PDE10A: variants seen among roughly 807,000 people sequenced by gnomAD.
The protein encoded by PDE10A is phosphodiesterase 10A, also known as cAMP and cAMP-inhibited cGMP 3',5'-cyclic phosphodiesterase 10A.
PDE10A carries 39 observed loss-of-function variants against 97.7 expected under a neutral mutation model. The observed-to-expected ratio is 0.40, with a 90% confidence interval of 0.31 to 0.52. PDE10A has a LOEUF of 0.52. PDE10A is among the 20% of genes least tolerant of loss of function. The probability of loss-of-function intolerance (pLI) is 0.56; values close to 1 mark genes in which losing one functional copy is unlikely to be tolerated. For missense variants in PDE10A, 731 were observed against 1,047.8 expected, an observed-to-expected ratio of 0.70 and a Z score of 4.17; for synonymous variants, 371 against 376.8, an observed-to-expected ratio of 0.98 and a Z score of 0.18.
At chr6:165,836,130 G>T (rs1042518238) in intron 1 of PDE10A, among the ~76,000 whole-genome samples, 1 of 152,120 alleles carries the variant, frequency 6.6e-6, no homozygotes, top group Non-Finnish European at 1.5e-5. Flanking sequence ...GTTTCCTGGC[G>T]AGCCATGGGT....
intron 1 of PDE10A, among the ~76,000 whole-genome samples, chr6:165,956,092 A>C (rs139976708): frequency 1.6e-3 from 241 of 152,362 alleles, no homozygotes; most frequent in African/African-American, 5.6e-3. Flanking sequence ...AATGTCTGAT[A>C]CTATTAGATT....
chr6:165,540,787 G>A (rs142448782), intron 2 of PDE10A, among the ~76,000 whole-genome samples: 396 of 152,240 alleles, frequency 2.6e-3, no homozygotes, highest in African/African-American at 9.1e-3. Context: ...GCGCCACTAT[G>A]CCTAGCTAAT....
At chr6:165,443,684 C>T (rs1422346561) in intron 5 of PDE10A, among the ~76,000 whole-genome samples, 1 of 152,222 alleles carries the variant, frequency 6.6e-6, no homozygotes, top group Non-Finnish European at 1.5e-5. Context: ...CTGCAGCAGA[C>T]TTCTGCCTGG....
In PDE10A at chr6:165,330,392, C is replaced by T. The variant is rs529282801; in HGVS notation, c.*2633G>A. ...TGTCTCCTAAACATCTGACAAAATA[C>T]AAAAATACTCCTAACTGCATGTTTT... On this transcript the variant is annotated 3_prime_UTR_variant, in exon 22 of 22. Transcript: ENST00000539869. 2.0e-5 allele frequency: 3 copies of T among 152,196 alleles called. No homozygotes were observed. Among genetic ancestry groups the T allele is most frequent in the African/African-American group, 7.2e-5 (3 of 41,520 alleles). 9.4% of individuals were successfully genotyped at this position (152,196 alleles called of 1,614,324 possible).
intron 1 of PDE10A, among the ~76,000 whole-genome samples, chr6:165,630,186 A>G (rs1383868211): frequency 6.6e-6 from 1 of 152,088 alleles, no homozygotes; most frequent in Non-Finnish European, 1.5e-5. Flanking sequence ...CTGTCTCTAT[A>G]AAAATACAAA....
At chr6:165,336,818 C>T (rs1781684093) in intron 20 of PDE10A, among the ~76,000 whole-genome samples, 1 of 147,780 alleles carries the variant, frequency 6.8e-6, no homozygotes, top group South Asian at 2.1e-4. Context: ...CATTAAATGA[C>T]ATTTCGCTAA....
intron 2 of PDE10A, among the ~76,000 whole-genome samples, chr6:165,513,275 A>G (rs148936564): frequency 6.6e-6 from 1 of 152,192 alleles, no homozygotes; most frequent in East Asian, 1.9e-4. Flanking sequence ...GTATGAATAT[A>G]TAATTGTCCC....
intron 3 of PDE10A, among the ~76,000 whole-genome samples, chr6:165,472,291 TTTAA>T: frequency 6.6e-6 from 1 of 152,258 alleles, no homozygotes; most frequent in East Asian, 1.9e-4. Context: ...CTATTCTCTC[TTTAA>T]TTATTAATAA....
chr6:165,755,904 A>G (rs1262818240), intron 1 of PDE10A, among the ~76,000 whole-genome samples: 1 of 152,036 alleles, frequency 6.6e-6, no homozygotes, highest in East Asian at 1.9e-4. Flanking sequence ...TTTCCCTGCA[A>G]TTCTCCCTCT....
At chr6:165,604,518 T>TAAAAAAAAAAAAAAAAA (rs34272357) in intron 1 of PDE10A, among the ~76,000 whole-genome samples, 1 of 137,766 alleles carries the variant, frequency 7.3e-6, no homozygotes, top group African/African-American at 2.7e-5. Flanking sequence ...CTCTCTTTGT[T>TAAAAAAAAAAAAAAAAA]AAAAAAAAAA....
rs538652235 is a variant in PDE10A, at chr6:165,671,589, A to C, written c.-614-128021T>G. ...AGGACCCAATTAATTCACTTCCATC[A>C]CTACTCGTAGAAGCCCTTAGAGGCA... On this transcript the variant is annotated intron_variant, in intron 1 of 19. Transcript: ENST00000366882. This position sits in a 1 kb window ranked among gnomAD's most constrained non-coding sequence, Gnocchi z 4.6. 6.6e-6 allele frequency among the ~76,000 whole-genome samples: 1 copy of C among 152,078 alleles called. No homozygotes were observed. The highest frequency in any genetic ancestry group is 2.1e-4 in the South Asian group (1 of 4,816).
chr6:165,901,400 C>T (rs1043738409), intron 1 of PDE10A, among the ~76,000 whole-genome samples: 8 of 152,334 alleles, frequency 5.3e-5, no homozygotes, highest in African/African-American at 1.9e-4. Flanking sequence ...CAGCCGGTGG[C>T]TCCTGCGGCA....
intron 3 of PDE10A, among the ~76,000 whole-genome samples, chr6:165,466,491 G>A (rs1778659533): frequency 6.6e-6 from 1 of 152,188 alleles, no homozygotes; most frequent in African/African-American, 2.4e-5. Context: ...ACTGCTCTTT[G>A]TAGATATTGC....
chr6:165,807,424 T>A (rs568181438), intron 1 of PDE10A, among the ~76,000 whole-genome samples: 1 of 152,148 alleles, frequency 6.6e-6, no homozygotes, highest in East Asian at 1.9e-4. Flanking sequence ...GAGTTCAGCC[T>A]TTCTGCCCCG....
At chr6:165,981,738 A>C (rs1785023371) in intron 1 of PDE10A, among the ~76,000 whole-genome samples, 1 of 152,254 alleles carries the variant, frequency 6.6e-6, no homozygotes, top group Non-Finnish European at 1.5e-5. Flanking sequence ...CTTCTGTAAA[A>C]ATGCATGCTT....
chr6:165,987,313 C>G (rs1259293473), intron 1 of PDE10A, among the ~76,000 whole-genome samples: 1 of 152,162 alleles, frequency 6.6e-6, no homozygotes, highest in Non-Finnish European at 1.5e-5. Flanking sequence ...ACTCCCTTTT[C>G]TTCTTTCTCG....
At chr6:165,359,027 G>C (rs579312) in intron 18 of PDE10A, among the ~76,000 whole-genome samples, 71,161 of 151,470 alleles carry the variant, frequency 0.47, 17,625 homozygotes, top group African/African-American at 0.64. Flanking sequence ...AGAATATATA[G>C]AACTATAATT....
intron 1 of PDE10A, among the ~76,000 whole-genome samples, chr6:165,555,475 A>G (rs1784208330): frequency 6.6e-6 from 1 of 152,216 alleles, no homozygotes; most frequent in African/African-American, 2.4e-5. Context: ...TAATTCAGTA[A>G]CATCTATCTT....
intron 1 of PDE10A, among the ~76,000 whole-genome samples, chr6:165,873,859 G>T (rs1486832830): frequency 1.3e-5 from 2 of 152,152 alleles, no homozygotes; most frequent in African/African-American, 4.8e-5. Context: ...TTACTACTGG[G>T]TTTTTTTAAA....
Sources: allele counts gnomAD v4.1 joint callset (sites outside exome capture counted in the v4.1 genomes callset), GRCh38; gene constraint gnomAD v4.1.1; non-coding constraint Gnocchi (gnomAD v3.1); transcripts MANE v1.5; gene names NCBI Gene and HGNC (gene_info 2026-07-23, HGNC 2026-07-21).